The following TTC28 variants were observed in gnomAD, a reference collection of about 807,000 sequenced individuals.
The protein encoded by TTC28 is tetratricopeptide repeat protein 28.
A neutral mutation model predicts 198.0 loss-of-function variants in TTC28; 61 were observed. That is an observed-to-expected ratio of 0.31 (90% confidence interval 0.25 to 0.38). TTC28 has a LOEUF of 0.38. TTC28 is among the 10% of genes least tolerant of loss of function. The pLI, the probability that TTC28 is intolerant of heterozygous loss-of-function variation, is 1.00. For synonymous variants in TTC28, 1,171 were observed against 1,297.8 expected, an observed-to-expected ratio of 0.90 and a Z score of 2.10; for missense variants, 2,678 against 3,164.0, an observed-to-expected ratio of 0.85 and a Z score of 3.69.
intron 5 of TTC28, among the ~76,000 whole-genome samples, chr22:28,196,220 A>G (rs1327833608): frequency 6.6e-6 from 1 of 152,120 alleles, no homozygotes; most frequent in Non-Finnish European, 1.5e-5. Context: ...GTGCTGGGAA[A>G]ACTGGCTAGC....
intron 2 of TTC28, among the ~76,000 whole-genome samples, chr22:28,537,310 A>ACCT (rs1569009077): frequency 6.9e-6 from 1 of 144,910 alleles, no homozygotes; most frequent in East Asian, 2.0e-4. Flanking sequence ...AAATAAAATA[A>ACCT]AATAAAATAA....
chr22:28,161,612 C>T (rs1056516829), intron 6 of TTC28, among the ~76,000 whole-genome samples: 1 of 151,276 alleles, frequency 6.6e-6, no homozygotes, highest in African/African-American at 2.4e-5. Flanking sequence ...CATGATTGCA[C>T]CACTATACTC....
rs543908096 is a variant in TTC28, at chr22:28,543,395, T to C, written c.381+86157A>G. Among the ~76,000 whole-genome samples the C allele has an allele frequency of 1.4e-4, 17 of 124,608 alleles. No individual in the cohort carries two copies. The Admixed American group carries it at 1.5e-3, about 11-fold the overall frequency. 81.7% of individuals were successfully genotyped at this position (124,608 alleles called of 152,430 possible). A position where few individuals can be genotyped will look rare whatever the true frequency, so the allele number is the denominator to read the frequency against. On this transcript the variant is annotated intron_variant, in intron 2 of 22. Transcript: ENST00000397906. ...AAAGAATAGGAAGAAGAAAAGAAGA[T>C]GAAGATGAAGATGAAGATGAAGAAG...
chr22:27,992,196 A>T (rs552187758), intron 19 of TTC28, among the ~76,000 whole-genome samples: 5 of 152,300 alleles, frequency 3.3e-5, no homozygotes, highest in Non-Finnish European at 5.9e-5. Flanking sequence ...TGCTCAGCAC[A>T]TATGAGAACA....
At chr22:28,110,285 C>T (rs748982385) in intron 6 of TTC28, among the ~76,000 whole-genome samples, 1 of 152,198 alleles carries the variant, frequency 6.6e-6, no homozygotes, top group Non-Finnish European at 1.5e-5. Flanking sequence ...TTTGACTTAA[C>T]TGGACTTAGG....
chr22:28,154,420 C>T (rs934199609), intron 6 of TTC28, among the ~76,000 whole-genome samples: 14 of 149,432 alleles, frequency 9.4e-5, no homozygotes, highest in Non-Finnish European at 1.5e-4. Context: ...GGCGCGATCT[C>T]GGCACACTGC....
At chr22:28,164,080 G>C (rs554982471) in intron 5 of TTC28, among the ~76,000 whole-genome samples, 1 of 152,202 alleles carries the variant, frequency 6.6e-6, no homozygotes, top group Non-Finnish European at 1.5e-5. Flanking sequence ...ACTGCAAGGC[G>C]GAAGCGAGGC....
intron 5 of TTC28, among the ~76,000 whole-genome samples, chr22:28,193,707 T>C (rs1305185470): frequency 2.0e-5 from 3 of 152,116 alleles, no homozygotes. Flanking sequence ...TACATAATGT[T>C]AAAGGGATCA....
chr22:28,255,701 C>A (rs1212584051), intron 5 of TTC28, among the ~76,000 whole-genome samples: 2 of 149,862 alleles, frequency 1.3e-5, no homozygotes, highest in Non-Finnish European at 3.0e-5. Context: ...AAAAAAGGTT[C>A]TAGTATGAGA....
intron 1 of TTC28, among the ~76,000 whole-genome samples, chr22:28,676,405 T>C (rs1601687225): frequency 6.6e-6 from 1 of 152,188 alleles, no homozygotes; most frequent in Non-Finnish European, 1.5e-5. Flanking sequence ...TGTGGACTGA[T>C]GAAAATGGTC....
intron 12 of TTC28, among the ~76,000 whole-genome samples, chr22:28,044,609 C>G (rs894138872): frequency 7.9e-5 from 12 of 152,150 alleles, no homozygotes; most frequent in Non-Finnish European, 7.3e-5. Flanking sequence ...CCCGCTCCCC[C>G]CAACCCACAA....
chr22:28,662,009 G>A (rs2051757177), intron 1 of TTC28, among the ~76,000 whole-genome samples: 2 of 151,076 alleles, frequency 1.3e-5, no homozygotes, highest in African/African-American at 4.8e-5. Context: ...CCAAATAGCT[G>A]AAATACAGAA....
chr22:28,211,276 A>G (rs1057496319), intron 5 of TTC28, among the ~76,000 whole-genome samples: 5 of 152,202 alleles, frequency 3.3e-5, no homozygotes, highest in African/African-American at 1.2e-4. Context: ...AAATTCACAC[A>G]TAACAATATT....
At chr22:28,656,987 G>A (rs1035444679) in intron 1 of TTC28, among the ~76,000 whole-genome samples, 11 of 152,016 alleles carry the variant, frequency 7.2e-5, no homozygotes, top group East Asian at 1.9e-4. Context: ...TAGTGCTTAC[G>A]TATTGCCTGA....
intron 2 of TTC28, among the ~76,000 whole-genome samples, chr22:28,406,411 A>C (rs950676861): frequency 1.1e-4 from 16 of 152,298 alleles, no homozygotes; most frequent in African/African-American, 3.8e-4. Flanking sequence ...ATGACTTAAC[A>C]CGGCAAATGT....
At chr22:28,296,814 G>A (rs919265335) in intron 4 of TTC28, among the ~76,000 whole-genome samples, 1 of 152,094 alleles carries the variant, frequency 6.6e-6, no homozygotes, top group Non-Finnish European at 1.5e-5. Context: ...ATAATCATAA[G>A]CCATACTTAT....
chr22:28,217,246 A>G (rs1016899512), intron 5 of TTC28, among the ~76,000 whole-genome samples: 1 of 152,056 alleles, frequency 6.6e-6, no homozygotes, highest in Non-Finnish European at 1.5e-5. Context: ...CCCTATCAAT[A>G]TATATACCTA....
intron 6 of TTC28, among the ~76,000 whole-genome samples, chr22:28,129,583 A>G (rs1379104092): frequency 6.6e-6 from 1 of 152,176 alleles, no homozygotes; most frequent in Non-Finnish European, 1.5e-5. Flanking sequence ...TGGAGCTAGT[A>G]TTACCTCCCT....
intron 5 of TTC28, among the ~76,000 whole-genome samples, chr22:28,265,722 T>C (rs1488350038): frequency 6.6e-6 from 1 of 152,152 alleles, no homozygotes; most frequent in African/African-American, 2.4e-5. Flanking sequence ...AGGCCAGCCA[T>C]AGTAAATAAG....
Sources: gnomAD v4.1 joint callset for allele counts (sites outside exome capture counted in the v4.1 genomes callset) on GRCh38, gnomAD v4.1.1 for gene constraint, MANE v1.5 for transcripts, NCBI Gene and HGNC (gene_info 2026-07-23, HGNC 2026-07-21) for gene names.